Variants in MAPT observed in about 807,000 individuals in gnomAD.
The protein encoded by MAPT is microtubule associated protein tau, also known as microtubule-associated protein tau.
MAPT carries 34 observed loss-of-function variants against 67.9 expected under a neutral mutation model. The ratio of observed to expected loss-of-function variants is 0.50; its 90% CI spans 0.38 to 0.67. The LOEUF is 0.67. MAPT is among the 30% of genes least tolerant of loss of function. The pLI is 0.00. For synonymous variants in MAPT, 456 were observed against 464.5 expected (o/e 0.98, Z 0.23); for missense variants, 881 against 1,115.2 (o/e 0.79, Z 2.99).
chr17:45,922,321 T>G (rs780879572), intron 1 of MAPT, among the ~76,000 whole-genome samples: 7 of 152,188 alleles, frequency 4.6e-5, no homozygotes, highest in Non-Finnish European at 8.8e-5. Context: ...TGCCTGTTGG[T>G]TGCCATCTTT....
intron 1 of MAPT, among the ~76,000 whole-genome samples, chr17:45,917,772 T>C (rs1302440814): frequency 1.4e-5 from 2 of 141,440 alleles, no homozygotes; most frequent in African/African-American, 5.2e-5. Context: ...TCCAGCGTCT[T>C]TTTTTTTTTT....
chr17:45,938,979 A>G (rs535956594), intron 1 of MAPT, among the ~76,000 whole-genome samples: 5 of 151,878 alleles, frequency 3.3e-5, no homozygotes, highest in Admixed American at 3.3e-4. Context: ...ACGCCCGACT[A>G]ATTTTTGTAT....
intron 1 of MAPT, among the ~76,000 whole-genome samples, chr17:45,935,782 C>A (rs1172072046): frequency 6.6e-6 from 1 of 152,180 alleles, no homozygotes; most frequent in Non-Finnish European, 1.5e-5. Flanking sequence ...TGTTTCATCC[C>A]TTCAAGCCTG....
At chr17:45,962,597 G>A in intron 2 of MAPT, 127 bp downstream of exon 2, 1 of 1,299,428 alleles carries the variant, frequency 7.7e-7, no homozygotes, top group Non-Finnish European at 1.1e-6. Context: ...GTAAAGTAAA[G>A]CCTCATTAAT....
chr17:46,006,298 G>A (rs1234621971), intron 9 of MAPT, among the ~76,000 whole-genome samples: 1 of 152,184 alleles, frequency 6.6e-6, no homozygotes, highest in African/African-American at 2.4e-5. Flanking sequence ...CAACATGGAT[G>A]GAACTGGAGG....
intron 9 of MAPT, among the ~76,000 whole-genome samples, chr17:46,004,891 C>T (rs535699372): frequency 4.1e-4 from 63 of 152,230 alleles, no homozygotes; most frequent in Non-Finnish European, 7.4e-4. Flanking sequence ...TCATGCTATT[C>T]TCCTGTCTCA....
chr17:45,943,678 T>C (rs964345955), intron 1 of MAPT, among the ~76,000 whole-genome samples: 1 of 152,176 alleles, frequency 6.6e-6, no homozygotes, highest in Non-Finnish European at 1.5e-5. Context: ...CCTACCCCAC[T>C]GCTCCTGGGT....
At chr17:46,021,329 G>A (rs974770541) in intron 12 of MAPT, among the ~76,000 whole-genome samples, 1 of 152,258 alleles carries the variant, frequency 6.6e-6, no homozygotes, top group Admixed American at 6.5e-5. Context: ...CTCAAGAGAT[G>A]TGGGGGCCAG....
chr17:46,020,031 C>T (rs185356080), intron 12 of MAPT, among the ~76,000 whole-genome samples: 1 of 139,476 alleles, frequency 7.2e-6, no homozygotes, highest in East Asian at 2.1e-4. Flanking sequence ...AAAAAAAAAG[C>T]GAGAACCACT....
At position 45,896,621 on chromosome 17, in the gene MAPT, C is replaced by T. The variant is rs2063251215; in HGVS notation, c.-18+1935C>T. On this transcript the variant is annotated intron_variant, in intron 1 of 12. Transcript: ENST00000262410. The surrounding 1 kb of genome is among the most constrained non-coding windows in gnomAD (Gnocchi z 5.6). ...GTAGGGGGAGCCGCGCCCAGTCGGC[C>T]TCCTGGAGGACACGGGAGGAAGCCC... 2.0e-5 allele frequency: 3 copies of T among 152,308 alleles called. No individual in the cohort carries two copies. The South Asian group carries it at 6.2e-4, about 32-fold the overall frequency. 9.4% of individuals were successfully genotyped at this position (152,308 alleles called of 1,614,324 possible).
chr17:45,937,594 AAAAAG>A (rs1483578297), intron 1 of MAPT, among the ~76,000 whole-genome samples: 32 of 146,126 alleles, frequency 2.2e-4, no homozygotes, highest in African/African-American at 7.3e-4. Flanking sequence ...CCTATCTCAA[AAAAAG>A]AAAAAAAAAA....
intron 2 of MAPT, among the ~76,000 whole-genome samples, chr17:45,970,940 C>T (rs2071600527): frequency 6.6e-6 from 1 of 152,254 alleles, no homozygotes; most frequent in Non-Finnish European, 1.5e-5. Context: ...TTGTCCCTTC[C>T]CAGTACCTAG....
chr17:45,989,808 C>CT (rs1368594594), intron 6 of MAPT, 70 bp from the exon 7 acceptor site: 1 of 1,397,750 alleles, frequency 7.2e-7, no homozygotes, highest in South Asian at 1.2e-5. Context: ...AGTTACTGTC[C>CT]TTTTTTCAGT....
At chr17:45,981,765 C>T (rs964883663) in intron 4 of MAPT, among the ~76,000 whole-genome samples, 2 of 152,214 alleles carry the variant, frequency 1.3e-5, no homozygotes, top group East Asian at 1.9e-4. Flanking sequence ...TATGGTGGCT[C>T]ATCCCTGTAA....
At chr17:45,966,332 A>G (rs888550343) in intron 2 of MAPT, among the ~76,000 whole-genome samples, 27 of 152,222 alleles carry the variant, frequency 1.8e-4, no homozygotes, top group Non-Finnish European at 3.4e-4. Flanking sequence ...TAATGCCTAT[A>G]ATCCCAGCAC....
At chr17:45,942,980 C>T (rs1016116047) in intron 1 of MAPT, among the ~76,000 whole-genome samples, 1 of 152,202 alleles carries the variant, frequency 6.6e-6, no homozygotes, top group Non-Finnish European at 1.5e-5. Flanking sequence ...GCCCCAATGC[C>T]GCCATGCAGA....
At position 46,024,279 on chromosome 17, in the gene MAPT, C is replaced by A. The variant is rs2076712062; in HGVS notation, c.*108C>A. On this transcript the variant is annotated 3_prime_UTR_variant, in exon 13 of 13. Coordinates refer to ENST00000262410, the MANE Select transcript of MAPT (RefSeq NM_001377265.1). ...GCCCTCTGCCCCCAGCTGCTCCTCG[C>A]AGTTCGGTTAATTGGTTAATCACTT... 9.7e-7 allele frequency: 1 copy of A among 1,029,962 alleles called. No individual in the cohort carries two copies. The highest frequency in any genetic ancestry group is 1.6e-5 in the African/African-American group (1 of 63,368). The allele number at this position is 1,029,962 out of a possible 1,614,324, so 63.8% of individuals were successfully genotyped here.
rs1480839948 is a variant in MAPT, at chr17:45,897,504, G to C, written c.-18+2818G>C. 1 of 152,182 alleles carries C rather than the reference G, an allele frequency of 6.6e-6. No individual in the cohort carries two copies. Among genetic ancestry groups the C allele is most frequent in the Non-Finnish European group, 1.5e-5 (1 of 68,054 alleles). 9.4% of individuals were successfully genotyped at this position (152,182 alleles called of 1,614,324 possible). On this transcript the variant is annotated intron_variant, in intron 1 of 12. Coordinates refer to ENST00000262410, the MANE Select transcript of MAPT (RefSeq NM_001377265.1). This position sits in a 1 kb window ranked among gnomAD's most constrained non-coding sequence, Gnocchi z 5.0. ...GAAACTCTATCCTGGCTCTGCGCGC[G>C]CTTTAAGGAAATGGCTTCCCTCCAG...
In MAPT at chr17:45,896,279, G is replaced by C. The variant is rs1383556016; in HGVS notation, c.-18+1593G>C. 6.6e-6 allele frequency: 1 copy of C among 152,240 alleles called. No homozygotes were observed. Among genetic ancestry groups the C allele is most frequent in the Non-Finnish European group, 1.5e-5 (1 of 68,100 alleles). The allele number at this position is 152,240 out of a possible 1,614,324, so 9.4% of individuals were successfully genotyped here. On this transcript the variant is annotated intron_variant, in intron 1 of 12. Transcript: ENST00000262410. This position sits in a 1 kb window ranked among gnomAD's most constrained non-coding sequence, Gnocchi z 5.6. ...CGTGCGCGCTGCGGGCGGCGGCAGA[G>C]GGATCTCGCCCCTCCCTACACCCCA...
Sources: gnomAD v4.1 joint callset for allele counts (sites outside exome capture counted in the v4.1 genomes callset) on GRCh38, gnomAD v4.1.1 for gene constraint, Gnocchi (gnomAD v3.1) non-coding constraint, MANE v1.5 for transcripts, NCBI Gene and HGNC (gene_info 2026-07-23, HGNC 2026-07-21) for gene names.